Variants in MAGI2 observed in about 807,000 individuals in gnomAD.
The protein encoded by MAGI2 is membrane-associated guanylate kinase, WW and PDZ domain-containing protein 2.
In MAGI2, 35 loss-of-function variants were observed where a neutral mutation model predicts 133.3. That is an observed-to-expected ratio of 0.26 (90% CI 0.20 to 0.35). MAGI2 has a LOEUF of 0.35. MAGI2 is among the 10% of genes least tolerant of loss of function. The probability of loss-of-function intolerance (pLI) is 1.00; values close to 1 mark genes in which losing one functional copy is unlikely to be tolerated. For missense variants in MAGI2, 1,636 were observed against 1,863.4 expected (o/e 0.88, Z 2.25); for synonymous variants, 729 against 710.6 (o/e 1.03, Z -0.41).
intron 6 of MAGI2, among the ~76,000 whole-genome samples, chr7:78,422,619 A>G (rs1278336452): frequency 6.6e-6 from 1 of 151,814 alleles, no homozygotes; most frequent in African/African-American, 2.4e-5. Context: ...ACTGACATGC[A>G]TTTTCTTCTG....
intron 1 of MAGI2, among the ~76,000 whole-genome samples, chr7:79,152,755 A>G (rs1407420498): frequency 6.6e-6 from 1 of 152,184 alleles, no homozygotes; most frequent in Non-Finnish European, 1.5e-5. Flanking sequence ...TTAGAGGTGG[A>G]GTCCATCCTT....
chr7:79,376,841 G>GTGTGTGTGTGTGTGTGTGTGTGTGT (rs1563166210), intron 1 of MAGI2, among the ~76,000 whole-genome samples: 4 of 147,456 alleles, frequency 2.7e-5, no homozygotes, highest in African/African-American at 1.0e-4. Flanking sequence ...TGTGTGTGTG[G>GTGTGTGTGTGTGTGTGTGTGTGTGT]GTGTATGGCG....
rs568255806 is a variant in MAGI2, at chr7:78,892,926, A to G, written c.418+114164T>C. ...CTTCTGCACAGCAAAAGAAACTACC[A>G]TCAGAGTGAACAGGCAACCTACAAA... On this transcript the variant is annotated intron_variant, in intron 2 of 21. Coordinates refer to ENST00000354212, the MANE Select transcript of MAGI2 (RefSeq NM_012301.4). Among the ~76,000 whole-genome samples the G allele has an allele frequency of 3.3e-3, 509 of 152,340 alleles. 1 individual carries two copies. Among genetic ancestry groups the G allele is most frequent in the African/African-American group, 0.012 (491 of 41,578 alleles).
intron 6 of MAGI2, among the ~76,000 whole-genome samples, chr7:78,479,938 T>C (rs1792183480): frequency 6.6e-6 from 1 of 151,810 alleles, no homozygotes; most frequent in Non-Finnish European, 1.5e-5. Context: ...AATTACAGAA[T>C]GGAAAAATAA....
chr7:78,681,236 G>A (rs1459000534), intron 2 of MAGI2, among the ~76,000 whole-genome samples: 1 of 152,076 alleles, frequency 6.6e-6, no homozygotes, highest in Non-Finnish European at 1.5e-5. Context: ...CAATAACCCC[G>A]AGATGTACAC....
chr7:78,502,570 G>T (rs1350196391), intron 4 of MAGI2, among the ~76,000 whole-genome samples: 2 of 117,936 alleles, frequency 1.7e-5, no homozygotes, highest in African/African-American at 6.1e-5. Context: ...ATAGTATATT[G>T]TTATGATTAT....
At chr7:78,424,885 G>A (rs1354575754) in intron 6 of MAGI2, among the ~76,000 whole-genome samples, 1 of 152,114 alleles carries the variant, frequency 6.6e-6, no homozygotes, top group East Asian at 1.9e-4. Flanking sequence ...GATGTTATAG[G>A]CTTATAGACA....
intron 6 of MAGI2, among the ~76,000 whole-genome samples, chr7:78,407,454 T>C (rs992919825): frequency 1.3e-5 from 2 of 151,980 alleles, no homozygotes; most frequent in African/African-American, 4.8e-5. Flanking sequence ...GAATAAAAAG[T>C]TTTTGAAGCA....
intron 9 of MAGI2, among the ~76,000 whole-genome samples, chr7:78,311,613 T>C (rs142013875): frequency 1.2e-3 from 184 of 152,326 alleles, no homozygotes; most frequent in Non-Finnish European, 2.4e-3. Context: ...TGTCATCTGA[T>C]GCATGAGAAC....
chr7:79,240,317 G>A (rs1182562780), intron 1 of MAGI2, among the ~76,000 whole-genome samples: 1 of 147,340 alleles, frequency 6.8e-6, no homozygotes, highest in African/African-American at 2.5e-5. Flanking sequence ...GGTTTGTTTG[G>A]AATGAAAGGA....
chr7:79,433,918 T>C (rs958583673), intron 1 of MAGI2, among the ~76,000 whole-genome samples: 1 of 152,194 alleles, frequency 6.6e-6, no homozygotes, highest in Non-Finnish European at 1.5e-5. Context: ...TTTTCCTTGA[T>C]GGAATAAACT....
intron 2 of MAGI2, among the ~76,000 whole-genome samples, chr7:78,706,864 G>GA (rs887276890): frequency 6.6e-5 from 10 of 151,674 alleles, no homozygotes; most frequent in Non-Finnish European, 7.4e-5. Context: ...AGCAGTAAGG[G>GA]AAAAAAAAGA....
At chr7:78,811,833 C>T (rs1336353806) in intron 2 of MAGI2, among the ~76,000 whole-genome samples, 2 of 152,148 alleles carry the variant, frequency 1.3e-5, no homozygotes, top group Non-Finnish European at 2.9e-5. Context: ...AACCTCAGAA[C>T]CTGTGTATCT....
chr7:78,096,635 T>C (rs1338864674), intron 20 of MAGI2, among the ~76,000 whole-genome samples: 2 of 152,204 alleles, frequency 1.3e-5, no homozygotes, highest in Non-Finnish European at 1.5e-5. Context: ...AGTGCTTGTT[T>C]TTTTAAGTAA....
At chr7:79,335,956 C>T (rs973089864) in intron 1 of MAGI2, among the ~76,000 whole-genome samples, 1 of 152,058 alleles carries the variant, frequency 6.6e-6, no homozygotes, top group Non-Finnish European at 1.5e-5. Context: ...TTGGGGGCCT[C>T]ACCTGACTGT....
chr7:78,291,132 T>A (rs1796664633), intron 9 of MAGI2, among the ~76,000 whole-genome samples: 1 of 152,068 alleles, frequency 6.6e-6, no homozygotes, highest in Non-Finnish European at 1.5e-5. Flanking sequence ...AAAAGATCCA[T>A]GAATATGGGA....
intron 2 of MAGI2, among the ~76,000 whole-genome samples, chr7:78,905,464 G>T (rs537352257): frequency 6.6e-6 from 1 of 152,290 alleles, no homozygotes; most frequent in South Asian, 2.1e-4. Context: ...TATAAGGTTA[G>T]GATGATTAAC....
chr7:78,303,271 C>T (rs550059018), intron 9 of MAGI2, among the ~76,000 whole-genome samples: 3 of 148,614 alleles, frequency 2.0e-5, no homozygotes, highest in African/African-American at 7.4e-5. Flanking sequence ...CCCAGCTACT[C>T]AGGAAGTTGA....
chr7:78,601,337 GA>G lies in MAGI2; in HGVS notation c.538+25782del, dbSNP rs917741329. Among the ~76,000 whole-genome samples, 68 of 151,972 alleles carry G rather than the reference GA, an allele frequency of 4.5e-4. 1 individual carries two copies. The highest frequency in any genetic ancestry group is 1.6e-3 in the African/African-American group (65 of 41,476). ...AAGTTGGTTAGATGTTAAGTGCTAA[GA>G]AAAAAAATGAGGCTGGAAATGGGTC... On this transcript the variant is annotated intron_variant, in intron 3 of 21. Transcript: ENST00000354212.
Sources: allele counts gnomAD v4.1 joint callset (sites outside exome capture counted in the v4.1 genomes callset), GRCh38; gene constraint gnomAD v4.1.1; transcripts MANE v1.5; gene names NCBI Gene and HGNC (gene_info 2026-07-23, HGNC 2026-07-21).